The following BCL11A variants were observed in gnomAD, a reference collection of about 807,000 sequenced individuals.
BCL11A encodes the protein BCL11 transcription factor A, also known as B cell CLL/lymphoma 11A.
BCL11A carries 2 observed loss-of-function variants against 55.9 expected under a neutral mutation model. That is an observed-to-expected ratio of 0.04 (90% confidence interval 0.01 to 0.11). BCL11A has a LOEUF of 0.11. BCL11A is among the 10% of genes least tolerant of loss of function. BCL11A has a pLI of 1.00. For synonymous variants in BCL11A, 465 were observed against 473.4 expected, an observed-to-expected ratio of 0.98 and a Z score of 0.23; for missense variants, 817 against 1,137.1, an observed-to-expected ratio of 0.72 and a Z score of 4.05.
intron 3 of BCL11A, among the ~76,000 whole-genome samples, chr2:60,465,363 C>T (rs1389398215): frequency 6.6e-6 from 1 of 152,210 alleles, no homozygotes; most frequent in Non-Finnish European, 1.5e-5. Flanking sequence ...AAATCAACTT[C>T]TCAATTTGAG....
chr2:60,459,897 A>C lies in BCL11A; in HGVS notation c.*507T>G. 1 of 1,053,588 alleles carries C rather than the reference A, an allele frequency of 9.5e-7. No homozygotes were observed. Among genetic ancestry groups the C allele is most frequent in the Non-Finnish European group, 1.1e-6 (1 of 871,856 alleles). The allele number at this position is 1,053,588 out of a possible 1,614,324, so 65.3% of individuals were successfully genotyped here. ...CTCACGTTATAAAATAAAACTGTAC[A>C]TGATATGTATTACAGAATGTATGCA... is the stretch of plus-strand genomic sequence containing the variant. On this transcript the variant is annotated 3_prime_UTR_variant, in exon 4 of 4. Transcript: ENST00000642384.
intron 2 of BCL11A, among the ~76,000 whole-genome samples, chr2:60,518,635 T>C (rs1668840370): frequency 6.6e-6 from 1 of 152,156 alleles, no homozygotes; most frequent in African/African-American, 2.4e-5. Flanking sequence ...AGAGAGGGCA[T>C]GGGAGGTGAC....
At chr2:60,452,627 G>A, downstream of BCL11A, 2 of 1,614,050 alleles carry the variant, frequency 1.2e-6, no homozygotes, top group Non-Finnish European at 1.7e-6. Context: ...CACATCTTGA[G>A]CTCTCTGGGT....
At chr2:60,467,759 A>G (rs1326557841) in intron 3 of BCL11A, among the ~76,000 whole-genome samples, 6 of 40,482 alleles carry the variant, frequency 1.5e-4, no homozygotes, top group South Asian at 1.0e-3. Flanking sequence ...GGTGGTGGTA[A>G]TGGTGGTGGT....
At chr2:60,503,317 G>T (rs1254126592) in intron 2 of BCL11A, among the ~76,000 whole-genome samples, 7 of 152,292 alleles carry the variant, frequency 4.6e-5, no homozygotes, top group Admixed American at 2.0e-4. Flanking sequence ...GCTGCAAGGA[G>T]CCTCACTTCT....
At chr2:60,520,881 C>T (rs1668949156) in intron 2 of BCL11A, among the ~76,000 whole-genome samples, 1 of 152,126 alleles carries the variant, frequency 6.6e-6, no homozygotes, top group Non-Finnish European at 1.5e-5. Flanking sequence ...AGCTTAGCCC[C>T]TTCTTTGCAG....
intron 1 of BCL11A, among the ~76,000 whole-genome samples, chr2:60,552,935 A>T (rs2104799918): frequency 6.6e-6 from 1 of 152,116 alleles, no homozygotes; most frequent in African/African-American, 2.4e-5. Flanking sequence ...GAAAAGAGAA[A>T]TAAAGCGGCG....
Position 60,546,062 on chromosome 2 carries a change from G to A in BCL11A, c.294C>T (p.Pro98=), listed in dbSNP as rs201120802. The stretch of plus-strand genomic sequence containing the variant: ...GCGTGACCTGGATGCCAACCTCCAC[G>A]GGATTGGATGCTTTTTTCATCTCGA... The part of the protein sequence containing the change: ...SPIEMKKASN[P]VEVGIQVTPE... Residue 98 remains proline, a synonymous_variant, in exon 2 of 4, where the codon CCC becomes CCT. Coordinates refer to ENST00000642384, the MANE Select transcript of BCL11A (RefSeq NM_022893.4). The surrounding 1 kb of genome is among the most constrained non-coding windows in gnomAD (Gnocchi z 4.1). The A allele has an allele frequency of 4.1e-5, 66 of 1,614,088 alleles. No homozygotes were observed. Among genetic ancestry groups the A allele is most frequent in the East Asian group, 1.6e-4 (7 of 44,902 alleles).
chr2:60,513,047 C>T (rs1668550579), intron 2 of BCL11A, among the ~76,000 whole-genome samples: 1 of 152,150 alleles, frequency 6.6e-6, no homozygotes, highest in African/African-American at 2.4e-5. Context: ...CTGAGAAAGG[C>T]AGAGAAAGGA....
chr2:60,551,771 G>T (rs1670422678), intron 1 of BCL11A, among the ~76,000 whole-genome samples: 1 of 151,022 alleles, frequency 6.6e-6, no homozygotes, highest in Non-Finnish European at 1.5e-5. Context: ...GTGCCTGGCG[G>T]GTGGGCGCCG....
At chr2:60,519,686 A>G (rs1668892653) in intron 2 of BCL11A, among the ~76,000 whole-genome samples, 2 of 152,308 alleles carry the variant, frequency 1.3e-5, no homozygotes, top group South Asian at 2.1e-4. Context: ...GGAATCTTGT[A>G]GATTTCTGAG....
chr2:60,508,015 G>A (rs770028084), intron 2 of BCL11A, among the ~76,000 whole-genome samples: 12 of 151,988 alleles, frequency 7.9e-5, no homozygotes, highest in African/African-American at 1.5e-4. Flanking sequence ...ATGGGGTTAC[G>A]GATAATGCCC....
chr2:60,474,653 T>G (rs536712122), intron 2 of BCL11A, among the ~76,000 whole-genome samples: 21 of 152,358 alleles, frequency 1.4e-4, no homozygotes, highest in South Asian at 8.3e-4. Flanking sequence ...GACAATTTTT[T>G]TTTGTTTGTT....
chr2:60,520,122 C>A (rs1668912998), intron 2 of BCL11A, among the ~76,000 whole-genome samples: 1 of 151,738 alleles, frequency 6.6e-6, no homozygotes, highest in African/African-American at 2.4e-5. Flanking sequence ...ATTCAGAAAG[C>A]CAAAGATAAT....
chr2:60,464,023 G>A (rs990954822), intron 3 of BCL11A, among the ~76,000 whole-genome samples: 1 of 152,084 alleles, frequency 6.6e-6, no homozygotes, highest in Non-Finnish European at 1.5e-5. Flanking sequence ...AAGCCGGCAG[G>A]GTCTTCTCAG....
At position 60,460,857 on chromosome 2, in the gene BCL11A, G is replaced by C; in HGVS notation, c.2055C>G (p.Ala685=). The change falls in exon 4 of 4, where the codon GCC becomes GCG. Residue 685 remains alanine (A), a synonymous_variant. Coordinates refer to ENST00000642384, the MANE Select transcript of BCL11A (RefSeq NM_022893.4). The part of the protein sequence containing the change: ...SFGDSRQSPF[A]SSSEHSSENG... Reference sequence around the variant, plus strand: ...TCTCCGAGGAGTGCTCCGACGAGGAGGCAAAAGGCGATTGTCTGGAGTCTC... The same window carrying C: ...TCTCCGAGGAGTGCTCCGACGAGGACGCAAAAGGCGATTGTCTGGAGTCTC... 1 of 1,613,112 alleles carries C rather than the reference G, an allele frequency of 6.2e-7. No individual in the cohort carries two copies.
At position 60,462,122 on chromosome 2, in the gene BCL11A, G is replaced by A; in HGVS notation, c.790C>T (p.Pro264Ser). The A allele has an allele frequency of 6.5e-7, 1 of 1,549,928 alleles. No individual in the cohort carries two copies. Among genetic ancestry groups the A allele is most frequent in the Non-Finnish European group, 8.7e-7 (1 of 1,149,778 alleles). Residue 264 changes from proline to serine, a missense_variant, in exon 4 of 4, where the codon CCC (proline) becomes TCC (serine). Around this residue, in one of 4 missense-constraint regions of BCL11A, gnomAD observed 363 missense variants for 486.6 expected, o/e 0.75. Coordinates refer to ENST00000642384, the MANE Select transcript of BCL11A (RefSeq NM_022893.4). Reference protein sequence around the residue: ...LAEGRFPPTPPLFSPPPRHHL... With the variant: ...LAEGRFPPTPSLFSPPPRHHL... Reference sequence around the variant, plus strand: ...TGTCTCGGTGGTGGACTAAACAGGGGGGGAGTGGGTGGAAAGCGCCCTTCT... The same window carrying A: ...TGTCTCGGTGGTGGACTAAACAGGGAGGGAGTGGGTGGAAAGCGCCCTTCT...
In BCL11A at chr2:60,489,160, C is replaced by G. The variant is rs993583746; in HGVS notation, c.386-20327G>C. On this transcript the variant is annotated intron_variant, in intron 2 of 3. Coordinates refer to ENST00000642384, the MANE Select transcript of BCL11A (RefSeq NM_022893.4). ...AAGGGTACCTTAGACCCCAATTAAA[C>G]TGTTGCTTTAGAGTTTGGGGAAAAT... 3.5e-4 allele frequency among the ~76,000 whole-genome samples: 54 copies of G among 152,204 alleles called. 1 individual carries two copies. Among genetic ancestry groups the G allele is most frequent in the Non-Finnish European group, 1.2e-4 (8 of 68,044 alleles).
intron 2 of BCL11A, among the ~76,000 whole-genome samples, chr2:60,490,579 A>C (rs770473602): frequency 5.3e-5 from 8 of 152,138 alleles, no homozygotes; most frequent in Non-Finnish European, 1.0e-4. Context: ...AGAAGAATCA[A>C]TCTCATCCTT....
Sources: allele counts gnomAD v4.1 joint callset (sites outside exome capture counted in the v4.1 genomes callset), GRCh38; gene constraint gnomAD v4.1.1; regional missense constraint gnomAD v4.1.1; non-coding constraint Gnocchi (gnomAD v3.1); transcripts MANE v1.5; gene names NCBI Gene and HGNC (gene_info 2026-07-23, HGNC 2026-07-21).